The following EFCAB5 variants were observed in gnomAD, a reference collection of about 807,000 sequenced individuals.
EFCAB5 encodes the protein EF-hand calcium binding domain 5, also known as EF-hand calcium-binding domain-containing protein 5.
Under a neutral mutation model 167.9 loss-of-function variants are expected in EFCAB5, and 131 were observed. That is an observed-to-expected ratio of 0.78 (90% CI 0.68 to 0.90). The LOEUF is 0.90. Among genes scored for constraint, EFCAB5 ranks in the 40% least tolerant of loss-of-function variants. EFCAB5 has a pLI of 0.00. For missense variants in EFCAB5, 1,663 were observed against 1,745.2 expected, an observed-to-expected ratio of 0.95 and a Z score of 0.84; for synonymous variants, 574 against 602.8, an observed-to-expected ratio of 0.95 and a Z score of 0.70.
At chr17:29,935,287 G>C (rs2067235899) in intron 1 of EFCAB5, among the ~76,000 whole-genome samples, 1 of 152,136 alleles carries the variant, frequency 6.6e-6, no homozygotes, top group Non-Finnish European at 1.5e-5. Flanking sequence ...GGTGGGGTGT[G>C]GTGCCTCATG....
intron 8 of EFCAB5, among the ~76,000 whole-genome samples, chr17:30,042,961 C>T (rs1392157577): frequency 6.6e-6 from 1 of 151,946 alleles, no homozygotes; most frequent in Non-Finnish European, 1.5e-5. Flanking sequence ...AGAGCTTAAT[C>T]CAGGGATACA....
intron 5 of EFCAB5, among the ~76,000 whole-genome samples, chr17:29,994,025 G>A (rs1367666051): frequency 6.6e-6 from 1 of 150,480 alleles, no homozygotes; most frequent in Admixed American, 6.7e-5. Flanking sequence ...GATTGCTTGA[G>A]TCCAGGAGGT....
chr17:30,073,693 T>A, intron 14 of EFCAB5: 1 of 715,398 alleles, frequency 1.4e-6, no homozygotes, highest in Non-Finnish European at 2.6e-6. Flanking sequence ...TTCCATAAAA[T>A]GAGATGCAAA....
At chr17:30,000,029 T>A in intron 7 of EFCAB5, 53 bp downstream of exon 7, 1 of 1,333,388 alleles carries the variant, frequency 7.5e-7, no homozygotes, top group Non-Finnish European at 1.0e-6. Flanking sequence ...CAGTTTCAAT[T>A]GTCTGTTGGT....
chr17:30,056,149 G>A lies in EFCAB5; in HGVS notation c.2358G>A (p.Arg786=), dbSNP rs758175744. Residue 786 remains arginine (R), a synonymous_variant, in exon 12 of 23, where the codon AGG becomes AGA. Transcript: ENST00000394835. ...CAAACTTAATCTATGGTAACTCCAG[G>A]TTCACAGGTACATGTTAACAATGAA... The part of the protein sequence containing the change: ...EQANLIYGNS[R]FTDLHSIIRN... The A allele has an allele frequency of 2.5e-6, 4 of 1,608,208 alleles. No individual in the cohort carries two copies. The highest frequency in any genetic ancestry group is 4.5e-5 in the East Asian group (2 of 44,752).
At position 29,996,360 on chromosome 17, in the gene EFCAB5, G is replaced by A. The variant is rs1409692574; in HGVS notation, c.973G>A (p.Gly325Arg). 5.2e-6 allele frequency: 8 copies of A among 1,549,962 alleles called. No homozygotes were observed. In the East Asian group the frequency reaches 7.3e-5, roughly 14 times the overall value. The change falls in exon 6 of 23, where the codon GGA (glycine) becomes AGA (arginine). Residue 325 changes from glycine (G) to arginine (R), a missense_variant and splice_region_variant. Transcript: ENST00000394835. ...CTTTCAAAATCCAGATTTCAAGCTT[G>A]GTAAGTCTGCCTATTACTCTGATAT... ...EFFQNPDFKL[G>R]SHCKQLDITD...
chr17:30,088,366 G>A (rs1304531896), intron 19 of EFCAB5, among the ~76,000 whole-genome samples: 1 of 151,834 alleles, frequency 6.6e-6, no homozygotes, highest in East Asian at 1.9e-4. Context: ...GATTTCATTG[G>A]CATTTTATTT....
chr17:30,026,032 G>C (rs2069312057), intron 7 of EFCAB5, among the ~76,000 whole-genome samples: 1 of 151,824 alleles, frequency 6.6e-6, no homozygotes, highest in Admixed American at 6.6e-5. Context: ...GGTGGGCGGA[G>C]GGGGGAGGGA....
At chr17:29,990,159 T>C (rs76281375) in intron 4 of EFCAB5, among the ~76,000 whole-genome samples, 1 of 152,174 alleles carries the variant, frequency 6.6e-6, no homozygotes, top group East Asian at 1.9e-4. Context: ...TTTGATATAC[T>C]TCAGGGGCTT....
Position 30,057,684 on chromosome 17 carries a change from T to A in EFCAB5, c.2374T>A (p.Ser792Thr). 1 of 1,612,310 alleles carries A rather than the reference T, an allele frequency of 6.2e-7. No individual in the cohort carries two copies. The highest frequency in any genetic ancestry group is 8.5e-7 in the Non-Finnish European group (1 of 1,178,730). Reference protein sequence around the residue: ...YGNSRFTDLHSIIRNIQSCKE... With the variant: ...YGNSRFTDLHTIIRNIQSCKE... ...TGTTTCTTGCTTGACAGATTTACAC[T>A]CAATTATCAGAAATATTCAGTCTTG... Residue 792 changes from serine (S) to threonine (T), a missense_variant, in exon 13 of 23, where the codon TCA (serine) becomes ACA (threonine). Ser to Thr is a moderately conservative substitution (Grantham distance 58). Coordinates refer to ENST00000394835, the MANE Select transcript of EFCAB5 (RefSeq NM_198529.4).
At chr17:29,983,124 A>G (rs1288935464) in intron 4 of EFCAB5, among the ~76,000 whole-genome samples, 1 of 152,240 alleles carries the variant, frequency 6.6e-6, no homozygotes, top group Non-Finnish European at 1.5e-5. Context: ...ACATGGTATC[A>G]ATTAGACTCA....
intron 1 of EFCAB5, among the ~76,000 whole-genome samples, chr17:29,931,330 A>G (rs918950400): frequency 2.0e-5 from 3 of 152,124 alleles, no homozygotes; most frequent in African/African-American, 7.2e-5. Context: ...TTTTAAACTG[A>G]CAGGGCTGTC....
At chr17:29,999,844 A>T in intron 6 of EFCAB5, 62 bp from the exon 7 acceptor site, 1 of 1,219,396 alleles carries the variant, frequency 8.2e-7, no homozygotes, top group South Asian at 1.4e-5. Context: ...GCACTATAGT[A>T]TAAATATCAA....
At chr17:30,050,385 T>G (rs1290519159) in intron 8 of EFCAB5, among the ~76,000 whole-genome samples, 1 of 152,174 alleles carries the variant, frequency 6.6e-6, no homozygotes, top group African/African-American at 2.4e-5. Flanking sequence ...TCCACCCACC[T>G]CGGCCTCCCA....
intron 3 of EFCAB5, among the ~76,000 whole-genome samples, chr17:29,963,855 G>C (rs1338753826): frequency 6.6e-6 from 1 of 152,118 alleles, no homozygotes; most frequent in Non-Finnish European, 1.5e-5. Flanking sequence ...GAATGGTTTG[G>C]TGCTGTTCTT....
chr17:30,076,043 A>G (rs760630074), intron 14 of EFCAB5, among the ~76,000 whole-genome samples: 2 of 152,226 alleles, frequency 1.3e-5, no homozygotes, highest in African/African-American at 2.4e-5. Flanking sequence ...GGTTCATACA[A>G]TGAAAAAGTC....
At chr17:30,011,273 G>A (rs921720766) in intron 7 of EFCAB5, among the ~76,000 whole-genome samples, 2 of 152,192 alleles carry the variant, frequency 1.3e-5, no homozygotes, top group South Asian at 2.1e-4. Flanking sequence ...GCTTAGGATT[G>A]TCTTGGCGAT....
chr17:29,953,043 A>G (rs989681682), intron 3 of EFCAB5, among the ~76,000 whole-genome samples: 5 of 152,182 alleles, frequency 3.3e-5, no homozygotes, highest in African/African-American at 1.2e-4. Flanking sequence ...GGCCAGAACA[A>G]TCAGGCAAGA....
intron 9 of EFCAB5, among the ~76,000 whole-genome samples, chr17:30,052,502 A>T (rs1157282116): frequency 5.3e-5 from 8 of 152,174 alleles, no homozygotes; most frequent in Non-Finnish European, 1.2e-4. Context: ...GTGAAGATTT[A>T]TTAATTGGAT....
Sources: allele counts gnomAD v4.1 joint callset (sites outside exome capture counted in the v4.1 genomes callset), GRCh38; gene constraint gnomAD v4.1.1; transcripts MANE v1.5; gene names NCBI Gene and HGNC (gene_info 2026-07-23, HGNC 2026-07-21).